PHF21A: variants seen among roughly 807,000 people sequenced by gnomAD.
The protein encoded by PHF21A is BHC80a.
Under a neutral mutation model 82.5 loss-of-function variants are expected in PHF21A, and 11 were observed. That is an observed-to-expected ratio of 0.13 (90% confidence interval 0.08 to 0.22). The LOEUF is 0.22. Ranked by LOEUF, PHF21A falls within the 10% of genes least tolerant of loss-of-function variation. The probability of loss-of-function intolerance (pLI) is 1.00; values close to 1 mark genes in which losing one functional copy is unlikely to be tolerated. For synonymous variants in PHF21A, 297 were observed against 302.8 expected, an observed-to-expected ratio of 0.98 and a Z score of 0.20; for missense variants, 579 against 837.8, an observed-to-expected ratio of 0.69 and a Z score of 3.81.
At chr11:46,013,198 C>T (rs1393625801) in intron 6 of PHF21A, among the ~76,000 whole-genome samples, 5 of 152,014 alleles carry the variant, frequency 3.3e-5, no homozygotes, top group Non-Finnish European at 7.4e-5. Context: ...ATATTATATA[C>T]TATAATAATG....
chr11:46,038,715 T>C (rs964223132), intron 6 of PHF21A, among the ~76,000 whole-genome samples: 1 of 152,110 alleles, frequency 6.6e-6, no homozygotes, highest in African/African-American at 2.4e-5. Context: ...CATGGCGAGG[T>C]GGCTAAGCAT....
chr11:46,111,285 C>T (rs1408906326), intron 1 of PHF21A, among the ~76,000 whole-genome samples: 1 of 151,666 alleles, frequency 6.6e-6, no homozygotes, highest in Non-Finnish European at 1.5e-5. Context: ...GCCTGGCCAA[C>T]ATGGTGAAAC....
At chr11:45,979,691 C>T (rs935305076) in intron 7 of PHF21A, 69 bp downstream of exon 7, 2 of 1,607,978 alleles carry the variant, frequency 1.2e-6, no homozygotes, top group Non-Finnish European at 1.7e-6. Flanking sequence ...AGACAGGACC[C>T]AGTTCTATAT....
intron 1 of PHF21A, among the ~76,000 whole-genome samples, chr11:46,106,818 T>G (rs1278295953): frequency 6.6e-6 from 1 of 152,240 alleles, no homozygotes; most frequent in African/African-American, 2.4e-5. Flanking sequence ...AGGCAGCCCT[T>G]TCCCTTTTGG....
In PHF21A at chr11:46,024,892, T is replaced by C. The variant is rs80258511; in HGVS notation, c.154-44926A>G. ...CCCTTAATTTCCCTTTTCTATACCATAGTGACTCCTAGTTCTAGACTAGTC... is the reference window on the plus strand; with the variant it reads ...CCCTTAATTTCCCTTTTCTATACCACAGTGACTCCTAGTTCTAGACTAGTC... On this transcript the variant is annotated intron_variant, in intron 6 of 18. Coordinates refer to ENST00000676320, the MANE Select transcript of PHF21A (RefSeq NM_001352027.3). Among the ~76,000 whole-genome samples, 78 of 152,308 alleles carry C rather than the reference T, an allele frequency of 5.1e-4. 2 individuals are homozygous for C. The highest frequency in any genetic ancestry group is 1.7e-3 in the African/African-American group (72 of 41,564).
At chr11:46,092,702 T>A (rs2096939278) in intron 1 of PHF21A, among the ~76,000 whole-genome samples, 1 of 151,954 alleles carries the variant, frequency 6.6e-6, no homozygotes, top group Admixed American at 6.6e-5. Context: ...CATTTTATAA[T>A]AATGTATAGT....
rs1853243969 is a variant in PHF21A, at chr11:46,121,422, C to G, written c.-724G>C. ...TCTCAGCAGCAGCAGCGAGCACCAC[C>G]AGCCCATTCACCACCCGGCCCCGGG... On this transcript the variant is annotated 5_prime_UTR_variant, in exon 1 of 19. Coordinates refer to ENST00000676320, the MANE Select transcript of PHF21A (RefSeq NM_001352027.3). 6.6e-6 allele frequency among the ~76,000 whole-genome samples: 1 copy of G among 151,458 alleles called. No individual in the cohort carries two copies. Among genetic ancestry groups the G allele is most frequent in the African/African-American group, 2.4e-5 (1 of 41,354 alleles).
Position 45,979,841 on chromosome 11 carries a change from C to T in PHF21A, c.279G>A (p.Gln93=). The change falls in exon 7 of 19, where the codon CAG becomes CAA. Residue 93 remains glutamine (Q), a synonymous_variant. Coordinates refer to ENST00000676320, the MANE Select transcript of PHF21A (RefSeq NM_001352027.3). ...KLQTAQQQPL[Q]QLQQQQQYHH... ...GGTACTGCTGCTGTTGTTGTAGTTGCTGTAGTGGTTGCTGCTGTGCTGTTT... is the reference window on the plus strand; with the variant it reads ...GGTACTGCTGCTGTTGTTGTAGTTGTTGTAGTGGTTGCTGCTGTGCTGTTT... 9 of 1,614,072 alleles carry T rather than the reference C, an allele frequency of 5.6e-6. No homozygotes were observed. Among genetic ancestry groups the T allele is most frequent in the South Asian group, 1.1e-5 (1 of 91,076 alleles).
Position 45,931,576 on chromosome 11 carries a change from A to G in PHF21A, c.*2392T>C, listed in dbSNP as rs1442765125. ...GCGATGGCTGATAGAGATGAGACACATTTTACTCTAAGAAGTGTCTCTTCT... is the reference window on the plus strand; with the variant it reads ...GCGATGGCTGATAGAGATGAGACACGTTTTACTCTAAGAAGTGTCTCTTCT... On this transcript the variant is annotated 3_prime_UTR_variant, in exon 19 of 19. Coordinates refer to ENST00000676320, the MANE Select transcript of PHF21A (RefSeq NM_001352027.3). 1 of 152,166 alleles carries G rather than the reference A, an allele frequency of 6.6e-6. No individual in the cohort carries two copies. The highest frequency in any genetic ancestry group is 1.5e-5 in the Non-Finnish European group (1 of 68,032). The allele number at this position is 152,166 out of a possible 1,614,324, so 9.4% of individuals were successfully genotyped here.
At chr11:46,019,015 T>C (rs922737732) in intron 6 of PHF21A, among the ~76,000 whole-genome samples, 2 of 151,494 alleles carry the variant, frequency 1.3e-5, no homozygotes, top group African/African-American at 4.8e-5. Context: ...ACTCATTTGG[T>C]CAAAATAAGG....
At chr11:45,997,773 A>G (rs2094959868) in intron 6 of PHF21A, among the ~76,000 whole-genome samples, 1 of 152,150 alleles carries the variant, frequency 6.6e-6, no homozygotes, top group Admixed American at 6.5e-5. Flanking sequence ...TCACGGTGCA[A>G]ATCAACCTGC....
At chr11:46,098,573 C>T (rs1229622636) in intron 1 of PHF21A, among the ~76,000 whole-genome samples, 3 of 152,172 alleles carry the variant, frequency 2.0e-5, no homozygotes, top group African/African-American at 7.2e-5. Context: ...GCTTCCATAG[C>T]TCTCACGAAG....
intron 1 of PHF21A, among the ~76,000 whole-genome samples, chr11:46,112,205 C>T (rs984886713): frequency 7.9e-5 from 12 of 152,144 alleles, no homozygotes; most frequent in African/African-American, 2.9e-4. Flanking sequence ...ACATTTTACA[C>T]ACAGCAAAAA....
At chr11:46,072,862 A>T (rs146172290) in intron 6 of PHF21A, among the ~76,000 whole-genome samples, 23 of 152,306 alleles carry the variant, frequency 1.5e-4, no homozygotes, top group African/African-American at 5.1e-4. Flanking sequence ...AACAAGCAAC[A>T]AACTTCGGAA....
intron 6 of PHF21A, among the ~76,000 whole-genome samples, chr11:46,065,384 C>G (rs1255872944): frequency 1.3e-5 from 2 of 152,132 alleles, no homozygotes; most frequent in Non-Finnish European, 2.9e-5. Context: ...AGATGTAAAG[C>G]CTGGCACCAC....
chr11:45,996,211 G>A (rs2094903055), intron 6 of PHF21A, among the ~76,000 whole-genome samples: 1 of 152,106 alleles, frequency 6.6e-6, no homozygotes, highest in Non-Finnish European at 1.5e-5. Flanking sequence ...CCCAAAGTGA[G>A]CCACCATGCC....
In PHF21A at chr11:46,089,232, A is replaced by G. The variant is rs182922109; in HGVS notation, c.-84+1223T>C. ...TCTACGTATCTTTACTTCTTGTACCATGCTTAATATTTGAATATCAGGTTT... is the reference window on the plus strand; with the variant it reads ...TCTACGTATCTTTACTTCTTGTACCGTGCTTAATATTTGAATATCAGGTTT... On this transcript the variant is annotated intron_variant, in intron 3 of 18. Coordinates refer to ENST00000676320, the MANE Select transcript of PHF21A (RefSeq NM_001352027.3). 2.6e-3 allele frequency among the ~76,000 whole-genome samples: 401 copies of G among 152,284 alleles called. 1 individual carries two copies. Among genetic ancestry groups the G allele is most frequent in the African/African-American group, 9.1e-3 (379 of 41,558 alleles).
At chr11:45,937,333 C>T (rs2089316924) in intron 16 of PHF21A, among the ~76,000 whole-genome samples, 1 of 152,098 alleles carries the variant, frequency 6.6e-6, no homozygotes, top group African/African-American at 2.4e-5. Flanking sequence ...AAAAGGCGAC[C>T]AGAAACCAAA....
chr11:46,009,214 T>C (rs890981130), intron 6 of PHF21A, among the ~76,000 whole-genome samples: 2 of 152,104 alleles, frequency 1.3e-5, no homozygotes, highest in African/African-American at 4.8e-5. Context: ...CCTCAGGTAA[T>C]CTGCCCGCCT....
Sources: gnomAD v4.1 joint callset for allele counts (sites outside exome capture counted in the v4.1 genomes callset) on GRCh38, gnomAD v4.1.1 for gene constraint, MANE v1.5 for transcripts, NCBI Gene and HGNC (gene_info 2026-07-23, HGNC 2026-07-21) for gene names.